Variants in GCC2 observed in about 807,000 individuals in gnomAD.
GCC2 encodes GRIP and coiled-coil domain containing 2, also known as GRIP and coiled-coil domain-containing protein 2.
A neutral mutation model predicts 210.6 loss-of-function variants in GCC2; 120 were observed. The ratio of observed to expected loss-of-function variants is 0.57; its 90% confidence interval spans 0.49 to 0.66. The LOEUF is 0.66. Ranked by LOEUF, GCC2 falls within the 30% of genes least tolerant of loss-of-function variation. GCC2 has a pLI of 0.00. For missense variants in GCC2, 1,868 were observed against 1,871.9 expected, an observed-to-expected ratio of 1.00 and a Z score of 0.04; for synonymous variants, 703 against 652.7, an observed-to-expected ratio of 1.08 and a Z score of -1.17.
At position 108,507,903 on chromosome 2, in the gene GCC2, C is replaced by T. The variant is rs1683285207; in HGVS notation, c.*273C>T. Reference sequence around the variant, plus strand: ...CCACCAGGAATGAATTCACTCCCCACTTCTCTGGAACCTCAGGACCCGCCC... The same window carrying T: ...CCACCAGGAATGAATTCACTCCCCATTTCTCTGGAACCTCAGGACCCGCCC... On this transcript the variant is annotated 3_prime_UTR_variant, in exon 23 of 23. Coordinates refer to ENST00000309863, the MANE Select transcript of GCC2 (RefSeq NM_181453.4). The T allele has an allele frequency of 6.9e-6, 2 of 290,690 alleles. No homozygotes were observed. Among genetic ancestry groups the T allele is most frequent in the Non-Finnish European group, 1.4e-5 (2 of 147,926 alleles). The allele number at this position is 290,690 out of a possible 1,614,324, so 18.0% of individuals were successfully genotyped here.
chr2:108,493,601 T>G, intron 19 of GCC2: 1 of 985,472 alleles, frequency 1.0e-6, no homozygotes, highest in Non-Finnish European at 1.2e-6. Context: ...CCACACCCAG[T>G]ATCTTCCATT....
chr2:108,456,317 A>G (rs746996465), intron 4 of GCC2, among the ~76,000 whole-genome samples: 8 of 152,156 alleles, frequency 5.3e-5, no homozygotes, highest in African/African-American at 7.2e-5. Flanking sequence ...TATAGTGACT[A>G]TGCTTACCTA....
rs368467621 is a variant in GCC2 at position 108,463,703 on chromosome 2, C to A, written c.217-5277C>A. Among the ~76,000 whole-genome samples the A allele has an allele frequency of 2.6e-5, 4 of 152,132 alleles. No homozygotes were observed. In the East Asian group the frequency reaches 7.7e-4, roughly 29 times the overall value. On this transcript the variant is annotated intron_variant, in intron 4 of 22. Coordinates refer to ENST00000309863, the MANE Select transcript of GCC2 (RefSeq NM_181453.4). Reference sequence around the variant, plus strand: ...TAGCTTGATCAGGTGCTGGGAATGGCAGCAGTGGGCCAGGCTGTTGGGTGG... The same window carrying A: ...TAGCTTGATCAGGTGCTGGGAATGGAAGCAGTGGGCCAGGCTGTTGGGTGG...
chr2:108,455,466 G>A (rs530169406), intron 4 of GCC2, among the ~76,000 whole-genome samples: 34 of 151,964 alleles, frequency 2.2e-4, no homozygotes, highest in Admixed American at 1.7e-3. Context: ...CTCCAAGTTA[G>A]CCAACTTTAC....
In GCC2 at chr2:108,492,583, A is replaced by G. The variant is rs760933546; in HGVS notation, c.4240A>G (p.Ile1414Val). 10 of 1,605,740 alleles carry G rather than the reference A, an allele frequency of 6.2e-6. No individual in the cohort carries two copies. Among genetic ancestry groups the G allele is most frequent in the Admixed American group, 3.3e-5 (2 of 60,000 alleles). Residue 1414 changes from isoleucine to valine, a missense_variant, in exon 19 of 23, where the codon ATA (isoleucine) becomes GTA (valine). This residue lies in a region of GCC2 where 1,847 missense variants were observed against 1,765.2 expected (regional missense o/e 1.05). Transcript: ENST00000309863. ...EAELREKLCSIQSENMMMKSE... is the reference protein window; with the variant it reads ...EAELREKLCSVQSENMMMKSE... ...TTTCTCATCTTTCAGATTGTGTTCA[A>G]TACAGTCAGAGAACATGATGATGAA...
chr2:108,482,627 T>G (rs1445046467), intron 11 of GCC2, among the ~76,000 whole-genome samples, 176 bp downstream of exon 11: 1 of 152,234 alleles, frequency 6.6e-6, no homozygotes, highest in Non-Finnish European at 1.5e-5. Context: ...TGTATATATT[T>G]TAAACATTGA....
chr2:108,450,047 A>G (rs1679842835), intron 2 of GCC2: 1 of 210,664 alleles, frequency 4.7e-6, no homozygotes, highest in Non-Finnish European at 9.5e-6. Context: ...ATTGCCAAAG[A>G]GTTTAATTAG....
At chr2:108,478,640 C>T (rs1681668447) in intron 9 of GCC2, among the ~76,000 whole-genome samples, 1 of 152,160 alleles carries the variant, frequency 6.6e-6, no homozygotes, top group African/African-American at 2.4e-5. Context: ...CCAAGACTCC[C>T]CTTAGGAATA....
chr2:108,481,914 G>A, intron 10 of GCC2, 98 bp downstream of exon 10: 1 of 858,150 alleles, frequency 1.2e-6, no homozygotes. Flanking sequence ...GTCGGAAACA[G>A]AATTTATTCC....
intron 18 of GCC2, among the ~76,000 whole-genome samples, chr2:108,490,293 A>T (rs1354905759): frequency 6.6e-6 from 1 of 152,224 alleles, no homozygotes; most frequent in East Asian, 1.9e-4. Flanking sequence ...AAACAAACAA[A>T]AACATACTAC....
At chr2:108,504,874 A>G (rs1683107911) in intron 22 of GCC2, among the ~76,000 whole-genome samples, 1 of 150,826 alleles carries the variant, frequency 6.6e-6, no homozygotes, top group Non-Finnish European at 1.5e-5. Flanking sequence ...AATAAAGACG[A>G]AAAAAAAGCC....
intron 21 of GCC2, among the ~76,000 whole-genome samples, chr2:108,498,282 G>A (rs1682749790): frequency 8.2e-6 from 1 of 121,382 alleles, no homozygotes; most frequent in African/African-American, 3.1e-5. Context: ...TGCAATCTCC[G>A]CCTCCCAGGT....
At chr2:108,497,797 G>C (rs1682718528) in intron 21 of GCC2, among the ~76,000 whole-genome samples, 1 of 152,142 alleles carries the variant, frequency 6.6e-6, no homozygotes, top group Admixed American at 6.5e-5. Context: ...ACTGCTTATT[G>C]AGGAGTTCTT....
At chr2:108,472,939 C>A in intron 7 of GCC2, 40 bp downstream of exon 7, 2 of 1,153,058 alleles carry the variant, frequency 1.7e-6, no homozygotes, top group Non-Finnish European at 2.6e-6. Context: ...ATTAATTAGA[C>A]AGATTCTTCT....
At chr2:108,504,662 T>G (rs1176694890) in intron 22 of GCC2, among the ~76,000 whole-genome samples, 4 of 152,190 alleles carry the variant, frequency 2.6e-5, no homozygotes, top group Non-Finnish European at 5.9e-5. Context: ...AGACTTATGG[T>G]AAGTCAGTTT....
chr2:108,455,018 T>G (rs1680179890), intron 4 of GCC2, among the ~76,000 whole-genome samples: 1 of 152,032 alleles, frequency 6.6e-6, no homozygotes, highest in Non-Finnish European at 1.5e-5. Context: ...TTTTTATCCA[T>G]TAACTCTTAT....
intron 4 of GCC2, among the ~76,000 whole-genome samples, chr2:108,465,494 A>G (rs920033045): frequency 3.9e-5 from 6 of 152,046 alleles, no homozygotes; most frequent in African/African-American, 1.4e-4. Context: ...TTTTATCCCT[A>G]GCTCCCCTTC....
chr2:108,490,705 A>C (rs1318156431), intron 18 of GCC2, among the ~76,000 whole-genome samples: 1 of 152,182 alleles, frequency 6.6e-6, no homozygotes, highest in Non-Finnish European at 1.5e-5. Flanking sequence ...TTGCATGTTA[A>C]TCATGTAAAC....
rs1683305975 is a variant in GCC2 at position 108,508,304 on chromosome 2, A to G, written c.*674A>G. On this transcript the variant is annotated 3_prime_UTR_variant, in exon 23 of 23. Transcript: ENST00000309863. The stretch of plus-strand genomic sequence containing the variant: ...GACATGTTAAGGGGCTATGAAGTAA[A>G]TATGCTGCAGTTAATTATGCTAAGT... 1 of 142,692 alleles carries G rather than the reference A, an allele frequency of 7.0e-6. No homozygotes were observed. Among genetic ancestry groups the G allele is most frequent in the South Asian group, 2.4e-4 (1 of 4,252 alleles). 8.8% of individuals were successfully genotyped at this position (142,692 alleles called of 1,614,324 possible). A position where few individuals can be genotyped will look rare whatever the true frequency, so the allele number is the denominator to read the frequency against.
Sources: gnomAD v4.1 joint callset for allele counts (sites outside exome capture counted in the v4.1 genomes callset) on GRCh38, gnomAD v4.1.1 for gene constraint, gnomAD v4.1.1 regional missense constraint, MANE v1.5 for transcripts, NCBI Gene and HGNC (gene_info 2026-07-23, HGNC 2026-07-21) for gene names.